The following ZNG1C variants were observed in gnomAD, a reference collection of about 807,000 sequenced individuals.
ZNG1C encodes the protein Zn regulated GTPase metalloprotein activator 1C.
chr9:68,275,713 TC>T, the ZNG1C span, among the ~76,000 whole-genome samples: 4 of 132,134 alleles, frequency 3.0e-5, no homozygotes, highest in African/African-American at 1.1e-4. Context: ...ATTTTCTTAA[TC>T]CAGTCTATCA....
the ZNG1C span, among the ~76,000 whole-genome samples, chr9:68,244,460 C>T: frequency 1.4e-5 from 1 of 70,824 alleles, no homozygotes; most frequent in Non-Finnish European, 2.8e-5. Flanking sequence ...TCCGTAAAAT[C>T]TTCCTAGTTG....
chr9:68,296,857 A>G, the ZNG1C span, among the ~76,000 whole-genome samples: 15 of 151,558 alleles, frequency 9.9e-5, no homozygotes, highest in South Asian at 2.1e-4. Flanking sequence ...CTGTTTCTTT[A>G]GGGTAGACAG....
chr9:68,283,622 CCTTT>C, the ZNG1C span, among the ~76,000 whole-genome samples: 96 of 54,816 alleles, frequency 1.8e-3, 1 homozygote, highest in Middle Eastern at 0.017. Flanking sequence ...ATGAAATTTG[CCTTT>C]CTTTTTTTTT....
the ZNG1C span, among the ~76,000 whole-genome samples, chr9:68,268,331 G>A: frequency 6.6e-6 from 1 of 152,108 alleles, no homozygotes; most frequent in Non-Finnish European, 1.5e-5. Flanking sequence ...GGTACTTTTT[G>A]GTTCCATACA....
At chr9:68,284,283 TC>T in the ZNG1C span, among the ~76,000 whole-genome samples, 2 of 104,838 alleles carry the variant, frequency 1.9e-5, no homozygotes, top group Non-Finnish European at 3.9e-5. Context: ...CTAATTTATC[TC>T]TGTTGGGTCC....
At chr9:68,257,227 G>T in the ZNG1C span, among the ~76,000 whole-genome samples, 1 of 133,488 alleles carries the variant, frequency 7.5e-6, no homozygotes, top group Non-Finnish European at 1.6e-5. Flanking sequence ...TAGTAGAGAC[G>T]GGGTTTCGCC....
chr9:68,249,054 T>G, the ZNG1C span: 3 of 544,714 alleles, frequency 5.5e-6, no homozygotes, highest in East Asian at 2.9e-5. Context: ...GTTTGTCATT[T>G]TCTTTGGCAG....
the ZNG1C span, among the ~76,000 whole-genome samples, chr9:68,276,565 C>G: frequency 6.7e-6 from 1 of 150,122 alleles, no homozygotes; most frequent in African/African-American, 2.5e-5. Context: ...ATAGGGAATC[C>G]TTTCCCCACT....
the ZNG1C span, among the ~76,000 whole-genome samples, chr9:68,292,170 G>T: frequency 1.3e-5 from 2 of 151,246 alleles, no homozygotes. Context: ...TAGGACGAAA[G>T]AATCTGAACA....
chr9:68,264,821 T>TTTTATATA, the ZNG1C span, among the ~76,000 whole-genome samples: 423 of 24,836 alleles, frequency 0.017, 11 homozygotes, highest in Middle Eastern at 0.026. Flanking sequence ...GGATTGAAGA[T>TTTTATATA]TATATATATA....
At chr9:68,280,344 C>T in the ZNG1C span, among the ~76,000 whole-genome samples, 3 of 151,656 alleles carry the variant, frequency 2.0e-5, no homozygotes, top group Admixed American at 6.6e-5. Flanking sequence ...TGTTCCGTTG[C>T]TGGTGAGGAG....
the ZNG1C span, chr9:68,269,124 A>G: frequency 1.4e-5 from 17 of 1,187,582 alleles, no homozygotes; most frequent in Admixed American, 3.3e-4. Flanking sequence ...GTTGTTTGGA[A>G]TGCTCTTAAT....
the ZNG1C span, among the ~76,000 whole-genome samples, chr9:68,293,276 A>C: frequency 1.3e-5 from 2 of 152,402 alleles, no homozygotes; most frequent in African/African-American, 2.4e-5. Context: ...AACAAAAACC[A>C]AAAAAACAAG....
chr9:68,283,414 TTTC>T, the ZNG1C span, among the ~76,000 whole-genome samples: 1 of 66,046 alleles, frequency 1.5e-5, no homozygotes, highest in Non-Finnish European at 3.1e-5. Context: ...CGATGATCCT[TTTC>T]TTCTTTTTAC....
At chr9:68,254,739 T>C in the ZNG1C span, 1 of 144,892 alleles carries the variant, frequency 6.9e-6, no homozygotes, top group Non-Finnish European at 1.5e-5. Context: ...ACCAAGTATT[T>C]CACTCTTGGG....
chr9:68,280,989 C>T, the ZNG1C span, among the ~76,000 whole-genome samples: 6 of 115,848 alleles, frequency 5.2e-5, no homozygotes, highest in African/African-American at 1.6e-4. Flanking sequence ...ATCAGCGAGA[C>T]TCCGTGGGCG....
chr9:68,244,549 C>G, the ZNG1C span, among the ~76,000 whole-genome samples: 1 of 131,040 alleles, frequency 7.6e-6, no homozygotes, highest in Middle Eastern at 4.0e-3. Context: ...TTTAGCAGCA[C>G]TGTAATAGTA....
the ZNG1C span, among the ~76,000 whole-genome samples, chr9:68,288,362 T>G: frequency 6.6e-6 from 1 of 152,208 alleles, no homozygotes; most frequent in East Asian, 1.9e-4. Flanking sequence ...TGAGGATAGT[T>G]TTTTGTTTGT....
At chr9:68,279,542 T>G in the ZNG1C span, among the ~76,000 whole-genome samples, 2 of 144,434 alleles carry the variant, frequency 1.4e-5, no homozygotes, top group African/African-American at 2.6e-5. Context: ...GTCTGTAAAG[T>G]ATTTTATTTC....
Sources: allele counts gnomAD v4.1 joint callset (sites outside exome capture counted in the v4.1 genomes callset), GRCh38; gene constraint gnomAD v4.1.1; transcripts MANE v1.5; gene names NCBI Gene and HGNC (gene_info 2026-07-23, HGNC 2026-07-21).